Variants in LARGE1 observed in about 807,000 individuals in gnomAD.
LARGE1 encodes LARGE xylosyl- and glucuronyltransferase 1, also known as xylosyl- and glucuronyltransferase LARGE1.
Under a neutral mutation model 87.6 loss-of-function variants are expected in LARGE1, and 43 were observed. That is an observed-to-expected ratio of 0.49 (90% CI 0.38 to 0.63). The LOEUF (loss-of-function observed/expected upper bound fraction) is 0.63. Ranked by LOEUF, LARGE1 falls within the 30% of genes least tolerant of loss-of-function variation. The probability of loss-of-function intolerance (pLI) is 0.00; values close to 1 mark genes in which losing one functional copy is unlikely to be tolerated. For synonymous variants in LARGE1, 434 were observed against 394.6 expected, an observed-to-expected ratio of 1.10 and a Z score of -1.18; for missense variants, 802 against 1,000.2, an observed-to-expected ratio of 0.80 and a Z score of 2.67.
chr22:33,169,700 A>C (rs1922459278), intron 11 of LARGE1, among the ~76,000 whole-genome samples: 1 of 151,932 alleles, frequency 6.6e-6, no homozygotes, highest in Non-Finnish European at 1.5e-5. Flanking sequence ...AAATACAAAA[A>C]ATTAGCTGGG....
At chr22:33,879,817 C>A (rs1349589244) in intron 1 of LARGE1, among the ~76,000 whole-genome samples, 1 of 152,198 alleles carries the variant, frequency 6.6e-6, no homozygotes, top group African/African-American at 2.4e-5. Flanking sequence ...AGAGGCTATG[C>A]CTAATTCATG....
intron 2 of LARGE1, among the ~76,000 whole-genome samples, chr22:33,717,958 T>C (rs959449431): frequency 1.3e-5 from 2 of 152,182 alleles, no homozygotes; most frequent in African/African-American, 4.8e-5. Flanking sequence ...TCTGTTTTCA[T>C]TCCTCCCATC....
At chr22:33,788,360 C>T in intron 1 of LARGE1, among the ~76,000 whole-genome samples, 1 of 152,116 alleles carries the variant, frequency 6.6e-6, no homozygotes, top group East Asian at 1.9e-4. Context: ...TATAAATTAC[C>T]CAGTCTTGGG....
chr22:33,605,391 G>A (rs117584006), intron 4 of LARGE1, among the ~76,000 whole-genome samples: 27 of 152,212 alleles, frequency 1.8e-4, no homozygotes, highest in African/African-American at 5.8e-4. Context: ...CAAAACTTCC[G>A]GAGTTAAATG....
chr22:33,892,394 G>T (rs748747938), intron 1 of LARGE1, among the ~76,000 whole-genome samples: 1 of 152,158 alleles, frequency 6.6e-6, no homozygotes, highest in Non-Finnish European at 1.5e-5. Context: ...AAGCAGAAAT[G>T]CTCAAGATCT....
intron 6 of LARGE1, among the ~76,000 whole-genome samples, chr22:33,559,070 C>T (rs901817833): frequency 7.2e-5 from 11 of 152,288 alleles, no homozygotes; most frequent in Middle Eastern, 6.8e-3. Context: ...TATCTGACAC[C>T]GGGTAATTTA....
In LARGE1 at chr22:33,891,163, C is replaced by A. The variant is rs573285244; in HGVS notation, c.-83+28832G>T. ...CATTTGAGAGTCATTTCAGAGTTCA[C>A]CAGCTCCAGAAATGTTATCTTTCAA... On this transcript the variant is annotated intron_variant, in intron 1 of 14. Coordinates refer to ENST00000397394, the MANE Select transcript of LARGE1 (RefSeq NM_133642.5). 8.5e-5 allele frequency among the ~76,000 whole-genome samples: 13 copies of A among 152,280 alleles called. No homozygotes were observed. In the South Asian group the frequency reaches 1.7e-3, roughly 19 times the overall value.
At chr22:33,381,435 A>C (rs2065153705) in intron 9 of LARGE1, among the ~76,000 whole-genome samples, 1 of 152,066 alleles carries the variant, frequency 6.6e-6, no homozygotes, top group South Asian at 2.1e-4. Flanking sequence ...TGAGACATTT[A>C]TGCTTGCATC....
chr22:33,905,683 A>G, intron 1 of LARGE1, among the ~76,000 whole-genome samples: 1 of 152,258 alleles, frequency 6.6e-6, no homozygotes, highest in South Asian at 2.1e-4. Flanking sequence ...ACAAAAGGGA[A>G]AGAGGCAACC....
chr22:33,377,513 T>C (rs921417503), intron 9 of LARGE1, among the ~76,000 whole-genome samples: 6 of 152,248 alleles, frequency 3.9e-5, no homozygotes, highest in Admixed American at 3.3e-4. Flanking sequence ...AAATATAATT[T>C]TCTTTTAGAG....
At chr22:33,497,303 T>G (rs1414157065) in intron 6 of LARGE1, among the ~76,000 whole-genome samples, 1 of 152,150 alleles carries the variant, frequency 6.6e-6, no homozygotes, top group Non-Finnish European at 1.5e-5. Context: ...CTCAAACTCC[T>G]CACCTCAAGT....
chr22:33,149,374 AG>A, the LARGE1 span, among the ~76,000 whole-genome samples: 1 of 152,120 alleles, frequency 6.6e-6, no homozygotes, highest in African/African-American at 2.4e-5. Context: ...ATGGAGTAAA[AG>A]TTTTAGATTT....
chr22:33,846,861 G>A (rs1208615523), intron 1 of LARGE1, among the ~76,000 whole-genome samples: 2 of 152,124 alleles, frequency 1.3e-5, no homozygotes, highest in Non-Finnish European at 2.9e-5. Context: ...CTCCTGATAA[G>A]ATGTTATCAA....
At chr22:33,659,028 T>G (rs576876208) in intron 2 of LARGE1, among the ~76,000 whole-genome samples, 1 of 152,300 alleles carries the variant, frequency 6.6e-6, no homozygotes, top group African/African-American at 2.4e-5. Context: ...TTTCCTGGTA[T>G]TGTAGCTCCT....
chr22:33,393,572 C>T (rs939413332), intron 7 of LARGE1, among the ~76,000 whole-genome samples: 1 of 152,224 alleles, frequency 6.6e-6, no homozygotes, highest in African/African-American at 2.4e-5. Flanking sequence ...GGAATGCGTG[C>T]CCCAAATCAG....
chr22:33,398,363 A>C (rs2065820878), intron 7 of LARGE1, among the ~76,000 whole-genome samples: 1 of 152,130 alleles, frequency 6.6e-6, no homozygotes, highest in African/African-American at 2.4e-5. Flanking sequence ...TCAAGGATCT[A>C]AGTCCCTGAC....
At chr22:33,354,793 T>C (rs193121874) in intron 9 of LARGE1, among the ~76,000 whole-genome samples, 7 of 152,364 alleles carry the variant, frequency 4.6e-5, no homozygotes, top group East Asian at 1.9e-4. Flanking sequence ...TTTGCAGTCA[T>C]AGCCATTAAA....
chr22:33,488,536 GT>G (rs2069687166), intron 6 of LARGE1, among the ~76,000 whole-genome samples: 1 of 152,142 alleles, frequency 6.6e-6, no homozygotes, highest in African/African-American at 2.4e-5. Flanking sequence ...TATTTGGATG[GT>G]TTTACAGGAC....
downstream of LARGE1, among the ~76,000 whole-genome samples, chr22:33,270,733 G>A (rs1198134556): frequency 6.6e-6 from 1 of 152,094 alleles, no homozygotes; most frequent in East Asian, 1.9e-4. Flanking sequence ...CTAAAGGCCT[G>A]GTGACCACAA....
Sources: allele counts gnomAD v4.1 joint callset (sites outside exome capture counted in the v4.1 genomes callset), GRCh38; gene constraint gnomAD v4.1.1; transcripts MANE v1.5; gene names NCBI Gene and HGNC (gene_info 2026-07-23, HGNC 2026-07-21).